Variants in ARAP2 observed in about 807,000 individuals in gnomAD.
The protein encoded by ARAP2 is arf-GAP with Rho-GAP domain, ANK repeat and PH domain-containing protein 2.
In ARAP2, 148 loss-of-function variants were observed where a neutral mutation model predicts 194.5. That is an observed-to-expected ratio of 0.76 (90% CI 0.67 to 0.87). The LOEUF (loss-of-function observed/expected upper bound fraction) is 0.87. ARAP2 is among the 40% of genes least tolerant of loss of function. The pLI, the probability that ARAP2 is intolerant of heterozygous loss-of-function variation, is 0.00. For synonymous variants in ARAP2, 695 were observed against 683.5 expected (o/e 1.02, Z -0.26); for missense variants, 2,128 against 1,989.7 (o/e 1.07, Z -1.32).
intron 1 of ARAP2, among the ~76,000 whole-genome samples, chr4:36,240,882 T>C (rs769213134): frequency 4.6e-5 from 7 of 152,176 alleles, no homozygotes; most frequent in Non-Finnish European, 7.4e-5. Flanking sequence ...CAAGTACAAA[T>C]TCCTTTACTT....
rs1369341419 is a variant in ARAP2, at chr4:36,147,545, T to TA, written c.3199+2dup. 2.5e-6 allele frequency: 4 copies of TA among 1,604,436 alleles called. No homozygotes were observed. The South Asian group carries it at 4.5e-5, about 18-fold the overall frequency. On this transcript the variant is annotated splice_region_variant and intron_variant, in intron 18 of 32. Coordinates refer to ENST00000303965, the MANE Select transcript of ARAP2 (RefSeq NM_015230.4). ...AAAGATAAGGGAAGAAAAAAGCTCT[T>TA]ACTTAGCTCTTGCAGTCTTCTTAAG...
intron 10 of ARAP2, 74 bp from the exon 11 acceptor site, chr4:36,165,187 A>G (rs1330945029): frequency 7.0e-7 from 1 of 1,430,044 alleles, no homozygotes; most frequent in South Asian, 1.2e-5. Context: ...CAGTTTGCAT[A>G]TTCATTTCAC....
chr4:36,011,660 C>T (rs1369845663), intron 9 of ARAP2, among the ~76,000 whole-genome samples: 3 of 152,050 alleles, frequency 2.0e-5, no homozygotes, highest in African/African-American at 7.2e-5. Context: ...ACAAATGCAC[C>T]CTCATTCTCC....
In ARAP2 at chr4:36,139,683, T is replaced by C. The variant is rs193217070; in HGVS notation, c.3264-6294A>G. ...TGATTTAGTGTAAGCATTTAAAGCTTTCAACTTCCTTGTAAATAGTTTTAT... is the reference window on the plus strand; with the variant it reads ...TGATTTAGTGTAAGCATTTAAAGCTCTCAACTTCCTTGTAAATAGTTTTAT... On this transcript the variant is annotated intron_variant, in intron 19 of 32. Coordinates refer to ENST00000303965, the MANE Select transcript of ARAP2 (RefSeq NM_015230.4). Among the ~76,000 whole-genome samples the C allele has an allele frequency of 1.8e-3, 270 of 151,754 alleles. 3 individuals are homozygous for C. Among genetic ancestry groups the C allele is most frequent in the African/African-American group, 6.1e-3 (254 of 41,458 alleles).
chr4:36,158,504 A>G (rs561861568), intron 15 of ARAP2, among the ~76,000 whole-genome samples: 7 of 152,310 alleles, frequency 4.6e-5, no homozygotes, highest in South Asian at 2.1e-4. Flanking sequence ...TAAGGTAGAC[A>G]TAAGTGAATT....
intron 5 of ARAP2, among the ~76,000 whole-genome samples, chr4:36,044,209 G>A (rs1007043224): frequency 5.3e-5 from 8 of 152,132 alleles, no homozygotes; most frequent in Non-Finnish European, 1.2e-4. Flanking sequence ...GTTATCCAAG[G>A]TATGAGAATT....
chr4:36,030,817 T>C (rs61795343), intron 5 of ARAP2, among the ~76,000 whole-genome samples: 5 of 107,498 alleles, frequency 4.7e-5, no homozygotes, highest in African/African-American at 1.6e-4. Flanking sequence ...TTTTTTTTTT[T>C]GGTACTATTC....
chr4:36,086,329 G>A (rs905191768), intron 28 of ARAP2, among the ~76,000 whole-genome samples: 3 of 152,062 alleles, frequency 2.0e-5, no homozygotes, highest in Admixed American at 6.6e-5. Context: ...TTGGTAATAA[G>A]TAGATTGAGA....
intron 2 of ARAP2, among the ~76,000 whole-genome samples, chr4:36,216,525 A>G (rs775580413): frequency 3.9e-5 from 6 of 152,122 alleles, no homozygotes; most frequent in Non-Finnish European, 7.4e-5. Context: ...ATAAAAATAA[A>G]TAGTCACCAA....
rs1725393443 is a variant in ARAP2, at chr4:36,066,117, G to C, written c.*1790C>G. On this transcript the variant is annotated 3_prime_UTR_variant, in exon 33 of 33. Transcript: ENST00000303965. The stretch of plus-strand genomic sequence containing the variant: ...GTTGTTCAGAATAGAAAGGGAAACA[G>C]CTATTAGAGTTTAAGCTCAAGTTTC... 1 of 152,152 alleles carries C rather than the reference G, an allele frequency of 6.6e-6. No homozygotes were observed. The highest frequency in any genetic ancestry group is 1.5e-5 in the Non-Finnish European group (1 of 68,018). 9.4% of individuals were successfully genotyped at this position (152,152 alleles called of 1,614,324 possible). A position where few individuals can be genotyped will look rare whatever the true frequency, so the allele number is the denominator to read the frequency against.
chr4:36,201,252 G>C (rs377125994), intron 6 of ARAP2, among the ~76,000 whole-genome samples: 1 of 152,140 alleles, frequency 6.6e-6, no homozygotes, highest in South Asian at 2.1e-4. Context: ...AGTCATACAG[G>C]TAATAAAGAA....
intron 5 of ARAP2, among the ~76,000 whole-genome samples, chr4:36,019,588 A>C (rs1716521468): frequency 1.5e-5 from 2 of 137,722 alleles, no homozygotes; most frequent in South Asian, 4.2e-4. Flanking sequence ...ATAAGGGTGG[A>C]CCCAGGGAAA....
chr4:36,047,949 C>G (rs1469717931), intron 3 of ARAP2, among the ~76,000 whole-genome samples: 1 of 152,196 alleles, frequency 6.6e-6, no homozygotes, highest in Non-Finnish European at 1.5e-5. Flanking sequence ...CAACATGCCC[C>G]TTCCTTTTAT....
At position 36,169,459 on chromosome 4, in the gene ARAP2, T is replaced by C. The variant is rs183060403; in HGVS notation, c.1858-2412A>G. Among the ~76,000 whole-genome samples the C allele has an allele frequency of 2.1e-3, 322 of 152,142 alleles. 1 individual carries two copies. The highest frequency in any genetic ancestry group is 5.2e-3 in the Admixed American group (79 of 15,284). ...GTCATAAAATGTCCACATGTAAAGC[T>C]GTAATTTCTGTTAAAATAAGGGAGT... On this transcript the variant is annotated intron_variant, in intron 9 of 32. Transcript: ENST00000303965.
downstream of ARAP2, among the ~76,000 whole-genome samples, chr4:36,063,064 T>C (rs1013252746): frequency 2.0e-5 from 3 of 152,194 alleles, no homozygotes; most frequent in African/African-American, 7.2e-5. Context: ...CTCCATTTTT[T>C]GTTAAAGGGG....
intron 15 of ARAP2, among the ~76,000 whole-genome samples, chr4:36,157,713 C>T (rs753170487): frequency 1.1e-4 from 16 of 152,140 alleles, no homozygotes; most frequent in Non-Finnish European, 1.6e-4. Flanking sequence ...ATAGTACATA[C>T]TCACTCACTA....
chr4:36,051,402 G>T (rs957801310), intron 3 of ARAP2, among the ~76,000 whole-genome samples: 1 of 152,058 alleles, frequency 6.6e-6, no homozygotes, highest in Admixed American at 6.6e-5. Flanking sequence ...GCTTGAACCC[G>T]GGAGGCAGAG....
chr4:36,050,720 T>C (rs1722524457), intron 3 of ARAP2, among the ~76,000 whole-genome samples: 1 of 152,238 alleles, frequency 6.6e-6, no homozygotes, highest in African/African-American at 2.4e-5. Context: ...GTATTTGAAA[T>C]ATAGGTACTT....
chr4:36,175,542 T>C (rs1248823407), intron 9 of ARAP2, among the ~76,000 whole-genome samples: 2 of 152,122 alleles, frequency 1.3e-5, no homozygotes, highest in African/African-American at 2.4e-5. Flanking sequence ...CCTTTAAGAC[T>C]GACTAAAGAC....
Sources: allele counts gnomAD v4.1 joint callset (sites outside exome capture counted in the v4.1 genomes callset), GRCh38; gene constraint gnomAD v4.1.1; transcripts MANE v1.5; gene names NCBI Gene and HGNC (gene_info 2026-07-23, HGNC 2026-07-21).